HCN4: variants seen among roughly 807,000 people sequenced by gnomAD.
HCN4 encodes hyperpolarization activated cyclic nucleotide gated potassium channel 4.
In HCN4, 29 loss-of-function variants were observed where a neutral mutation model predicts 76.9. The ratio of observed to expected loss-of-function variants is 0.38; its 90% CI spans 0.28 to 0.51. The LOEUF (loss-of-function observed/expected upper bound fraction) is 0.51. Among genes scored for constraint, HCN4 ranks in the 20% least tolerant of loss-of-function variants. HCN4 has a pLI of 0.90. For missense variants in HCN4, 1,416 were observed against 1,715.2 expected (o/e 0.83, Z 3.08); for synonymous variants, 772 against 762.5 (o/e 1.01, Z -0.21).
intron 2 of HCN4, among the ~76,000 whole-genome samples, chr15:73,341,383 C>T (rs1429298888): frequency 6.6e-6 from 1 of 152,108 alleles, no homozygotes; most frequent in Non-Finnish European, 1.5e-5. Flanking sequence ...CTCAAGCAAT[C>T]CACCCATCTC....
At position 73,368,144 on chromosome 15, in the gene HCN4, G is replaced by C; in HGVS notation, c.127C>G (p.Pro43Ala). The part of the protein sequence containing the change: ...EEEGAGGRQD[P>A]SRRSIRLRPL... Reference sequence around the variant, plus strand: ...CGCAGCCGGATGCTCCTGCGGCTGGGGTCTTGGCGGCCCCCGGCCCCCTCC... The same window carrying C: ...CGCAGCCGGATGCTCCTGCGGCTGGCGTCTTGGCGGCCCCCGGCCCCCTCC... The change falls in exon 1 of 8, where the codon CCC (proline) becomes GCC (alanine). Residue 43 changes from proline to alanine, a missense_variant. Coordinates refer to ENST00000261917, the MANE Select transcript of HCN4 (RefSeq NM_005477.3). The surrounding 1 kb of genome is among the most constrained non-coding windows in gnomAD (Gnocchi z 6.9). 1 of 1,521,634 alleles carries C rather than the reference G, an allele frequency of 6.6e-7. No homozygotes were observed. The highest frequency in any genetic ancestry group is 8.8e-7 in the Non-Finnish European group (1 of 1,136,334). The allele number at this position is 1,521,634 out of a possible 1,614,324, so 94.3% of individuals were successfully genotyped here. A position where few individuals can be genotyped will look rare whatever the true frequency, so the allele number is the denominator to read the frequency against.
At position 73,368,668 on chromosome 15, in the gene HCN4, A is replaced by T. The variant is rs1028204863; in HGVS notation, c.-398T>A. On this transcript the variant is annotated 5_prime_UTR_variant, in exon 1 of 8. Coordinates refer to ENST00000261917, the MANE Select transcript of HCN4 (RefSeq NM_005477.3). This position sits in a 1 kb window ranked among gnomAD's most constrained non-coding sequence, Gnocchi z 6.9. ...GGAACCGCTCCGGAGTGCAGAGCGC[A>T]CGGCCCGCGCGGGTCCCGGGCGTGC... 1.3e-5 allele frequency: 2 copies of T among 153,376 alleles called. No homozygotes were observed. The highest frequency in any genetic ancestry group is 4.8e-5 in the African/African-American group (2 of 41,424). 9.5% of individuals were successfully genotyped at this position (153,376 alleles called of 1,614,324 possible).
chr15:73,368,443 A>G lies in HCN4; in HGVS notation c.-173T>C. On this transcript the variant is annotated 5_prime_UTR_variant, in exon 1 of 8. Coordinates refer to ENST00000261917, the MANE Select transcript of HCN4 (RefSeq NM_005477.3). The surrounding 1 kb of genome is among the most constrained non-coding windows in gnomAD (Gnocchi z 6.9). ...GGCTGCGCGCCGCGGGGAGGATCCT[A>G]GTCCCGCTCCGAGTCCCCGGGCTCG... 1 of 398,104 alleles carries G rather than the reference A, an allele frequency of 2.5e-6. No homozygotes were observed. The highest frequency in any genetic ancestry group is 4.0e-5 in the East Asian group (1 of 24,856). 24.7% of individuals were successfully genotyped at this position (398,104 alleles called of 1,614,324 possible). A position where few individuals can be genotyped will look rare whatever the true frequency, so the allele number is the denominator to read the frequency against.
chr15:73,334,170 G>A (rs2042948989), intron 2 of HCN4, among the ~76,000 whole-genome samples: 1 of 152,108 alleles, frequency 6.6e-6, no homozygotes, highest in Non-Finnish European at 1.5e-5. Flanking sequence ...GTACCACTGG[G>A]GCACAGACCA....
At chr15:73,335,292 C>G (rs1404486656) in intron 2 of HCN4, 1 of 152,378 alleles carries the variant, frequency 6.6e-6, no homozygotes, top group African/African-American at 2.4e-5. Flanking sequence ...GGGGGCAGGA[C>G]AGCAGCCTCC....
chr15:73,356,002 C>T (rs1177812690), intron 1 of HCN4, among the ~76,000 whole-genome samples: 1 of 152,180 alleles, frequency 6.6e-6, no homozygotes, highest in Non-Finnish European at 1.5e-5. Flanking sequence ...TGTCCTCCCA[C>T]TCAGGAGATT....
rs575221735 is a variant in HCN4, at chr15:73,344,919, C to T, written c.786-1111G>A. On this transcript the variant is annotated intron_variant, in intron 1 of 7. Coordinates refer to ENST00000261917, the MANE Select transcript of HCN4 (RefSeq NM_005477.3). ...GGCTGGCCCCAAGACCAAAAACTTG[C>T]ACTGCAGAGCTGTTTCCCTCTGCTA... Among the ~76,000 whole-genome samples the T allele has an allele frequency of 4.6e-5, 7 of 152,350 alleles. No individual in the cohort carries two copies. In the South Asian group the frequency reaches 1.2e-3, roughly 27 times the overall value.
chr15:73,323,171 C>A lies in HCN4; in HGVS notation c.2922G>T (p.Gln974His). 1 of 1,555,800 alleles carries A rather than the reference C, an allele frequency of 6.4e-7. No homozygotes were observed. ...ACAACTCCCCGGGAGGCTGGCCCAG[C>A]TGCCCGGGGCTAGATGACGGGGATC... is the stretch of plus-strand genomic sequence containing the variant. ...SSRSPSSSPG[Q>H]LGQPPGELSL... Residue 974 changes from glutamine to histidine, a missense_variant, in exon 8 of 8, where the codon CAG becomes CAT. By Grantham distance (24) the Gln-to-His change is conservative. Transcript: ENST00000261917.
intron 1 of HCN4, among the ~76,000 whole-genome samples, chr15:73,352,761 G>A (rs950599022): frequency 3.2e-4 from 49 of 152,262 alleles, no homozygotes; most frequent in African/African-American, 1.2e-3. Context: ...TCCCAAATAG[G>A]CCTAGCAGTG....
chr15:73,326,784 TA>T (rs1388902095), intron 4 of HCN4, among the ~76,000 whole-genome samples: 12 of 151,136 alleles, frequency 7.9e-5, no homozygotes, highest in Middle Eastern at 3.4e-3. Context: ...TTTATTTATT[TA>T]TTTATTTATT....
At position 73,354,957 on chromosome 15, in the gene HCN4, G is replaced by A. The variant is rs143354463; in HGVS notation, c.786-11149C>T. On this transcript the variant is annotated intron_variant, in intron 1 of 7. Coordinates refer to ENST00000261917, the MANE Select transcript of HCN4 (RefSeq NM_005477.3). ...CAGGCCAGCTCCATGGGCAGATGGG[G>A]CCATGAGCCAAGGGAAGGGAGTAAG... Among the ~76,000 whole-genome samples, 200 of 152,334 alleles carry A rather than the reference G, an allele frequency of 1.3e-3. 2 individuals are homozygous for A. Among genetic ancestry groups the A allele is most frequent in the Middle Eastern group, 3.4e-3 (1 of 294 alleles).
At position 73,322,842 on chromosome 15, in the gene HCN4, T is replaced by A. The variant is rs751716200; in HGVS notation, c.3251A>T (p.Lys1084Met). 6.6e-7 allele frequency: 1 copy of A among 1,516,978 alleles called. No homozygotes were observed. The highest frequency in any genetic ancestry group is 2.1e-5 in the Admixed American group (1 of 46,836). 94.0% of individuals were successfully genotyped at this position (1,516,978 alleles called of 1,614,324 possible). A position where few individuals can be genotyped will look rare whatever the true frequency, so the allele number is the denominator to read the frequency against. The change falls in exon 8 of 8, where the codon AAG (lysine) becomes ATG (methionine). Residue 1084 changes from lysine (K) to methionine (M), a missense_variant. Lys to Met is a moderately conservative substitution (Grantham distance 95). This residue lies in a region of HCN4 where 633 missense variants were observed against 579.8 expected (regional missense o/e 1.09). Transcript: ENST00000261917. ...LTPGRLTQDL[K>M]LISASQPALP... The stretch of plus-strand genomic sequence containing the variant: ...GGCTGGCTGAGACGCGGAGATGAGC[T>A]TGAGGTCCTGGGTGAGGCGGCCGGG...
intron 1 of HCN4, among the ~76,000 whole-genome samples, chr15:73,360,102 C>A (rs2043098432): frequency 1.3e-5 from 2 of 152,348 alleles, no homozygotes; most frequent in South Asian, 4.1e-4. Context: ...GGAAGGCTCC[C>A]TTCTCATGGG....
At chr15:73,332,581 A>C (rs993144781) in intron 2 of HCN4, among the ~76,000 whole-genome samples, 1 of 152,174 alleles carries the variant, frequency 6.6e-6, no homozygotes, top group Non-Finnish European at 1.5e-5. Context: ...GGACACCTGG[A>C]GCCCCATGCA....
Position 73,343,374 on chromosome 15 carries a change from T to C in HCN4, c.1209+11A>G. 1 of 1,613,838 alleles carries C rather than the reference T, an allele frequency of 6.2e-7. No individual in the cohort carries two copies. The highest frequency in any genetic ancestry group is 8.5e-7 in the Non-Finnish European group (1 of 1,179,866). Reference sequence around the variant, plus strand: ...GGCCTTTCCCCCAAGAGGTTTGCACTGACCACTTACCTCTTCCCACTGGTG... The same window carrying C: ...GGCCTTTCCCCCAAGAGGTTTGCACCGACCACTTACCTCTTCCCACTGGTG... On this transcript the variant is annotated intron_variant, in intron 2 of 7. Transcript: ENST00000261917. This position sits in a 1 kb window ranked among gnomAD's most constrained non-coding sequence, Gnocchi z 5.7.
At chr15:73,339,587 CA>C (rs1416416576) in intron 2 of HCN4, among the ~76,000 whole-genome samples, 3 of 152,246 alleles carry the variant, frequency 2.0e-5, no homozygotes, top group Non-Finnish European at 2.9e-5. Flanking sequence ...GACTGGGCCC[CA>C]GGGAGCCACA....
At chr15:73,326,451 T>A (rs1006821242) in intron 4 of HCN4, among the ~76,000 whole-genome samples, 3 of 152,206 alleles carry the variant, frequency 2.0e-5, no homozygotes, top group Non-Finnish European at 4.4e-5. Context: ...GGACAGTGAC[T>A]TCCTGGCTGG....
At chr15:73,345,604 T>C (rs1204952190) in intron 1 of HCN4, among the ~76,000 whole-genome samples, 1 of 152,174 alleles carries the variant, frequency 6.6e-6, no homozygotes, top group Non-Finnish European at 1.5e-5. Context: ...GAGCCGTGCA[T>C]GCTCTACCCA....
intron 3 of HCN4, among the ~76,000 whole-genome samples, chr15:73,331,826 G>A (rs1197512707): frequency 2.6e-5 from 4 of 152,160 alleles, no homozygotes; most frequent in Admixed American, 2.6e-4. Flanking sequence ...TGCCATGCCT[G>A]GGGGAGGCCG....
Sources: gnomAD v4.1 joint callset for allele counts (sites outside exome capture counted in the v4.1 genomes callset) on GRCh38, gnomAD v4.1.1 for gene constraint, gnomAD v4.1.1 regional missense constraint, Gnocchi (gnomAD v3.1) non-coding constraint, MANE v1.5 for transcripts, NCBI Gene and HGNC (gene_info 2026-07-23, HGNC 2026-07-21) for gene names.